Variants in MUCL1 observed in about 807,000 individuals in gnomAD.
MUCL1 encodes the protein mucin-like protein 1.
Under a neutral mutation model 9.2 loss-of-function variants are expected in MUCL1, and 11 were observed. The observed-to-expected ratio is 1.19, with a 90% CI of 0.75 to 1.97. The LOEUF is 1.97. Among genes scored for constraint, MUCL1 ranks in the 30% most tolerant of loss-of-function variants. The probability of loss-of-function intolerance (pLI) is 0.00; values close to 1 mark genes in which losing one functional copy is unlikely to be tolerated. For missense variants in MUCL1, 144 were observed against 110.9 expected, an observed-to-expected ratio of 1.30 and a Z score of -1.34; for synonymous variants, 48 against 40.5, an observed-to-expected ratio of 1.19 and a Z score of -0.71.
At chr12:54,858,098 A>C (rs1868314152) in intron 3 of MUCL1, 95 bp from the exon 4 acceptor site, 13 of 1,448,246 alleles carry the variant, frequency 9.0e-6, no homozygotes, top group Admixed American at 1.7e-5. Flanking sequence ...TTTAGTTGAC[A>C]TTTGACACTT....
chr12:54,838,840 A>T (rs7958024), upstream of MUCL1, among the ~76,000 whole-genome samples: 1 of 151,382 alleles, frequency 6.6e-6, no homozygotes, highest in South Asian at 2.1e-4. Context: ...TTGTTTTTTA[A>T]ATTTCTTTAT....
At chr12:54,855,890 G>T (rs1868294813) in intron 2 of MUCL1, among the ~76,000 whole-genome samples, 1 of 152,158 alleles carries the variant, frequency 6.6e-6, no homozygotes, top group South Asian at 2.1e-4. Context: ...GCCATGTGAG[G>T]CCCCATTTAA....
At chr12:54,834,945 T>C (rs898062327), upstream of MUCL1, among the ~76,000 whole-genome samples, 1 of 152,128 alleles carries the variant, frequency 6.6e-6, no homozygotes, top group African/African-American at 2.4e-5. Context: ...TGCCACTCTG[T>C]ATGCCTTTGC....
At chr12:54,839,842 G>T (rs1959201386) in intron 1 of MUCL1, among the ~76,000 whole-genome samples, 1 of 152,148 alleles carries the variant, frequency 6.6e-6, no homozygotes, top group Non-Finnish European at 1.5e-5. Context: ...ACCTGTGGTG[G>T]GCAAACACTC....
upstream of MUCL1, among the ~76,000 whole-genome samples, chr12:54,852,823 T>G (rs1428878256): frequency 6.6e-6 from 1 of 152,170 alleles, no homozygotes; most frequent in Non-Finnish European, 1.5e-5. Flanking sequence ...GTATCTGTCT[T>G]TTAAGTCTTC....
intron 3 of MUCL1, among the ~76,000 whole-genome samples, chr12:54,857,940 A>G (rs1592251115): frequency 1.3e-5 from 2 of 152,162 alleles, no homozygotes; most frequent in Non-Finnish European, 2.9e-5. Context: ...AGGAAAACTC[A>G]TACGTATTGA....
chr12:54,843,733 T>C (rs907927832), intron 1 of MUCL1, among the ~76,000 whole-genome samples: 1 of 152,144 alleles, frequency 6.6e-6, no homozygotes, highest in Non-Finnish European at 1.5e-5. Context: ...CCAGAAACTG[T>C]AGAAGGAAAG....
Position 54,856,823 on chromosome 12 carries a change from A to T in MUCL1, c.154A>T (p.Thr52Ser). 8 of 1,611,944 alleles carry T rather than the reference A, an allele frequency of 5.0e-6. No homozygotes were observed. Among genetic ancestry groups the T allele is most frequent in the Non-Finnish European group, 6.8e-6 (8 of 1,178,432 alleles). The change falls in exon 3 of 4, where the codon ACT becomes TCT. Residue 52 changes from threonine to serine, a missense_variant. Physicochemically the swap from Thr to Ser is moderately conservative, Grantham distance 58. Transcript: ENST00000308796. ...TGCTGAAACCACTGCTGCTGCAACC[A>T]CTGCAACCACTGCTGCTCCTACCAC... ...PDAETTAAAT[T>S]ATTAAPTTAT...
chr12:54,842,474 C>T (rs1196136404), intron 1 of MUCL1, among the ~76,000 whole-genome samples: 1 of 152,084 alleles, frequency 6.6e-6, no homozygotes, highest in Non-Finnish European at 1.5e-5. Context: ...TTAGCATATG[C>T]ATTACCTCAC....
At chr12:54,834,297 A>G (rs899711804) in intron 1 of MUCL1, among the ~76,000 whole-genome samples, 13 of 152,008 alleles carry the variant, frequency 8.6e-5, no homozygotes, top group African/African-American at 2.9e-4. Context: ...CTTTTATATG[A>G]ATCTTGAATT....
chr12:54,835,263 T>A (rs377199711), upstream of MUCL1, among the ~76,000 whole-genome samples: 140 of 152,308 alleles, frequency 9.2e-4, 3 homozygotes, highest in East Asian at 2.3e-3. Flanking sequence ...TTCCTTTAGG[T>A]AGATAGCCAG....
At chr12:54,850,943 C>T (rs1179931825), upstream of MUCL1, among the ~76,000 whole-genome samples, 1 of 152,180 alleles carries the variant, frequency 6.6e-6, no homozygotes, top group Non-Finnish European at 1.5e-5. Flanking sequence ...CGTTTTTTGG[C>T]TGCATAAATG....
chr12:54,847,149 GCCTT>G (rs1031784959), intron 1 of MUCL1, among the ~76,000 whole-genome samples: 45 of 152,236 alleles, frequency 3.0e-4, no homozygotes, highest in African/African-American at 1.0e-3. Flanking sequence ...CAGCCTGTCT[GCCTT>G]CCTTCCTTCC....
upstream of MUCL1, among the ~76,000 whole-genome samples, chr12:54,835,314 T>C (rs1044091645): frequency 6.6e-6 from 1 of 152,154 alleles, no homozygotes; most frequent in Non-Finnish European, 1.5e-5. Context: ...TACTTTTTGT[T>C]CTTTGAGAAC....
At chr12:54,854,279 G>T (rs940338796), upstream of MUCL1, among the ~76,000 whole-genome samples, 4 of 152,196 alleles carry the variant, frequency 2.6e-5, no homozygotes, top group African/African-American at 9.6e-5. Context: ...GTAAGAGGAT[G>T]CCTGGAAGAG....
At chr12:54,837,200 T>C (rs2121481830), upstream of MUCL1, among the ~76,000 whole-genome samples, 2 of 152,306 alleles carry the variant, frequency 1.3e-5, 1 homozygote, top group Admixed American at 1.3e-4. Flanking sequence ...CAACTACTAT[T>C]GTGCTGCTGT....
intron 1 of MUCL1, among the ~76,000 whole-genome samples, chr12:54,844,082 A>G (rs994778524): frequency 1.3e-5 from 2 of 151,996 alleles, no homozygotes; most frequent in African/African-American, 4.8e-5. Flanking sequence ...TTTCTTTCTT[A>G]TATTTTTGAG....
At chr12:54,850,951 A>C (rs182631625), upstream of MUCL1, among the ~76,000 whole-genome samples, 1 of 152,188 alleles carries the variant, frequency 6.6e-6, no homozygotes, top group South Asian at 2.1e-4. Context: ...GGCTGCATAA[A>C]TGTCTTCTTT....
At chr12:54,844,395 GC>G (rs1383333592) in intron 1 of MUCL1, among the ~76,000 whole-genome samples, 2 of 152,124 alleles carry the variant, frequency 1.3e-5, no homozygotes, top group Non-Finnish European at 1.5e-5. Context: ...GGAGCTTCAT[GC>G]TTAACAGGGA....
Sources: gnomAD v4.1 joint callset for allele counts (sites outside exome capture counted in the v4.1 genomes callset) on GRCh38, gnomAD v4.1.1 for gene constraint, MANE v1.5 for transcripts, NCBI Gene and HGNC (gene_info 2026-07-23, HGNC 2026-07-21) for gene names.